The following E2F3 variants were observed in gnomAD, a reference collection of about 807,000 sequenced individuals.
The protein encoded by E2F3 is transcription factor E2F3.
A neutral mutation model predicts 44.4 loss-of-function variants in E2F3; 11 were observed. The ratio of observed to expected loss-of-function variants is 0.25; its 90% confidence interval spans 0.16 to 0.41. E2F3 has a LOEUF of 0.41. Among genes scored for constraint, E2F3 ranks in the 10% least tolerant of loss-of-function variants. The probability of loss-of-function intolerance (pLI) is 1.00; values close to 1 mark genes in which losing one functional copy is unlikely to be tolerated. For missense variants in E2F3, 487 were observed against 583.6 expected, an observed-to-expected ratio of 0.83 and a Z score of 1.70; for synonymous variants, 249 against 253.0, an observed-to-expected ratio of 0.98 and a Z score of 0.15.
Position 20,479,960 on chromosome 6 carries a change from A to G in E2F3, c.505+3A>G, listed in dbSNP as rs1178981497. On this transcript the variant is annotated splice_donor_region_variant and intron_variant, in intron 2 of 6. Coordinates refer to ENST00000346618, the MANE Select transcript of E2F3 (RefSeq NM_001949.5). Reference sequence around the variant, plus strand: ...ACGAAGTCCAGATAGTCCAAAAAGTAAGGATCTTTTCATCTCTTTCCTTAT... The same window carrying G: ...ACGAAGTCCAGATAGTCCAAAAAGTGAGGATCTTTTCATCTCTTTCCTTAT... The G allele has an allele frequency of 1.2e-6, 2 of 1,602,408 alleles. No individual in the cohort carries two copies. The highest frequency in any genetic ancestry group is 1.7e-6 in the Non-Finnish European group (2 of 1,173,588).
intron 1 of E2F3, among the ~76,000 whole-genome samples, chr6:20,417,602 A>C (rs984806828): frequency 6.7e-6 from 1 of 150,000 alleles, no homozygotes; most frequent in Non-Finnish European, 1.5e-5. Context: ...AAAAAAAAAA[A>C]AGGCCCAGAT....
intron 1 of E2F3, among the ~76,000 whole-genome samples, chr6:20,458,051 C>G (rs1177050576): frequency 6.6e-6 from 1 of 152,062 alleles, no homozygotes; most frequent in African/African-American, 2.4e-5. Flanking sequence ...TATTCATTAG[C>G]AATCACTGCC....
At chr6:20,443,676 A>T (rs556074994) in intron 1 of E2F3, among the ~76,000 whole-genome samples, 1 of 152,054 alleles carries the variant, frequency 6.6e-6, no homozygotes, top group Non-Finnish European at 1.5e-5. Context: ...GAGGTAAGAA[A>T]GTCTATCTTT....
At chr6:20,415,069 C>T (rs1759800380) in intron 1 of E2F3, among the ~76,000 whole-genome samples, 1 of 152,178 alleles carries the variant, frequency 6.6e-6, no homozygotes, top group African/African-American at 2.4e-5. Flanking sequence ...CAAATCTGAA[C>T]TCTCGGCATT....
intron 1 of E2F3, among the ~76,000 whole-genome samples, chr6:20,460,952 C>A (rs1319866570): frequency 8.5e-6 from 1 of 118,192 alleles, no homozygotes; most frequent in African/African-American, 3.2e-5. Flanking sequence ...GCCGAGATCA[C>A]ACCACTACAC....
chr6:20,456,308 C>G (rs1561869563), intron 1 of E2F3, among the ~76,000 whole-genome samples: 1 of 149,952 alleles, frequency 6.7e-6, no homozygotes, highest in Admixed American at 6.7e-5. Flanking sequence ...CTCCAGTCCC[C>G]CAGTTAAAAA....
intron 1 of E2F3, among the ~76,000 whole-genome samples, chr6:20,433,159 C>T (rs550591077): frequency 1.3e-5 from 2 of 152,184 alleles, no homozygotes; most frequent in South Asian, 2.1e-4. Context: ...TGGGTGGACT[C>T]GCTGAGATTA....
At chr6:20,486,335 C>G (rs553540595) in intron 4 of E2F3, among the ~76,000 whole-genome samples, 1 of 152,132 alleles carries the variant, frequency 6.6e-6, no homozygotes, top group Admixed American at 6.5e-5. Context: ...TGCAGTGGCG[C>G]GATCTCGTCT....
chr6:20,411,108 C>T (rs1759656913), intron 1 of E2F3, among the ~76,000 whole-genome samples: 1 of 152,196 alleles, frequency 6.6e-6, no homozygotes, highest in Non-Finnish European at 1.5e-5. Flanking sequence ...GAAGAATAAG[C>T]TTCTTGTAGT....
chr6:20,457,221 C>G (rs900177740), intron 1 of E2F3, among the ~76,000 whole-genome samples: 34 of 151,898 alleles, frequency 2.2e-4, no homozygotes, highest in Non-Finnish European at 4.1e-4. Flanking sequence ...GTTGCCCAGG[C>G]TGGAGTACAG....
rs181099052 is a variant in E2F3, at chr6:20,455,150, A to G, written c.394-24696A>G. 6.6e-5 allele frequency among the ~76,000 whole-genome samples: 10 copies of G among 152,364 alleles called. No individual in the cohort carries two copies. The East Asian group carries it at 1.5e-3, about 23-fold the overall frequency. On this transcript the variant is annotated intron_variant, in intron 1 of 6. Transcript: ENST00000346618. ...TCCTGAATGCCAATACAATCAGAAT[A>G]AGAAATGCATAAATAGCGACTTGCT...
At chr6:20,486,173 T>C (rs1431972710) in intron 4 of E2F3, among the ~76,000 whole-genome samples, 1 of 152,230 alleles carries the variant, frequency 6.6e-6, no homozygotes, top group African/African-American at 2.4e-5. Context: ...TTTTTAGAAA[T>C]GGGCGGGATA....
At chr6:20,488,028 T>TC in intron 5 of E2F3, 85 bp from the exon 6 acceptor site, 2 of 1,573,106 alleles carry the variant, frequency 1.3e-6, no homozygotes, top group Non-Finnish European at 1.7e-6. Flanking sequence ...ACATTGTTCT[T>TC]ACTTTCCATT....
chr6:20,477,378 T>C (rs1057254454), intron 1 of E2F3, among the ~76,000 whole-genome samples: 2 of 152,150 alleles, frequency 1.3e-5, no homozygotes, highest in Non-Finnish European at 2.9e-5. Flanking sequence ...GGAAATGTTA[T>C]CAATAAAAGA....
At position 20,491,692 on chromosome 6, in the gene E2F3, C is replaced by A; in HGVS notation, c.*1262C>A. On this transcript the variant is annotated 3_prime_UTR_variant, in exon 7 of 7. Coordinates refer to ENST00000346618, the MANE Select transcript of E2F3 (RefSeq NM_001949.5). ...AAAGACATCCCCATTGTGTGAGTGG[C>A]ATTTCCTTAAGCTGGCAGGAACAGG... 1 of 184,186 alleles carries A rather than the reference C, an allele frequency of 5.4e-6. No individual in the cohort carries two copies. The highest frequency in any genetic ancestry group is 1.2e-5 in the Non-Finnish European group (1 of 86,390). The allele number at this position is 184,186 out of a possible 1,614,324, so 11.4% of individuals were successfully genotyped here.
At chr6:20,489,908 T>G (rs1053343759) in intron 6 of E2F3, among the ~76,000 whole-genome samples, 2 of 152,162 alleles carry the variant, frequency 1.3e-5, no homozygotes, top group African/African-American at 4.8e-5. Flanking sequence ...AGTTCAAGAC[T>G]GCAGTGAGTC....
rs1762508456 is a variant in E2F3, at chr6:20,489,986, G to T, written c.1136-182G>T. On this transcript the variant is annotated intron_variant, in intron 6 of 6. Transcript: ENST00000346618. ...TCTCAAAAATTAAAAGGGGGACGGG[G>T]GTGGCAAGGAACTTTTTTGTACCTG... Among the ~76,000 whole-genome samples the T allele has an allele frequency of 1.3e-5, 2 of 152,034 alleles. 1 individual carries two copies. Among genetic ancestry groups the T allele is most frequent in the South Asian group, 4.2e-4 (2 of 4,810 alleles).
intron 1 of E2F3, among the ~76,000 whole-genome samples, chr6:20,433,376 G>A (rs1760469059): frequency 6.6e-6 from 1 of 152,222 alleles, no homozygotes; most frequent in Non-Finnish European, 1.5e-5. Context: ...GGTTGTTAAT[G>A]TGGGCCCCTG....
intron 1 of E2F3, among the ~76,000 whole-genome samples, chr6:20,475,271 G>A (rs893227686): frequency 2.6e-5 from 4 of 152,166 alleles, no homozygotes; most frequent in African/African-American, 4.8e-5. Context: ...GACTAGTCCC[G>A]GTCTTTCGAA....
Sources: gnomAD v4.1 joint callset for allele counts (sites outside exome capture counted in the v4.1 genomes callset) on GRCh38, gnomAD v4.1.1 for gene constraint, MANE v1.5 for transcripts, NCBI Gene and HGNC (gene_info 2026-07-23, HGNC 2026-07-21) for gene names.